CACNG2: variants seen among roughly 807,000 people sequenced by gnomAD.
The protein encoded by CACNG2 is calcium voltage-gated channel auxiliary subunit gamma 2, also known as voltage-dependent calcium channel gamma-2 subunit.
In CACNG2, 3 loss-of-function variants were observed where a neutral mutation model predicts 25.9. The ratio of observed to expected loss-of-function variants is 0.12; its 90% CI spans 0.05 to 0.30. The LOEUF (loss-of-function observed/expected upper bound fraction) is 0.30. Among genes scored for constraint, CACNG2 ranks in the 10% least tolerant of loss-of-function variants. The pLI is 1.00. For missense variants in CACNG2, 341 were observed against 432.5 expected (o/e 0.79, Z 1.88); for synonymous variants, 167 against 173.3 (o/e 0.96, Z 0.29).
chr22:36,638,961 T>C (rs1045238886), intron 1 of CACNG2, among the ~76,000 whole-genome samples: 1 of 152,218 alleles, frequency 6.6e-6, no homozygotes, highest in African/African-American at 2.4e-5. Flanking sequence ...TTCCCATCAA[T>C]ATTTACTAAG....
chr22:36,687,590 A>G (rs1337916857), intron 1 of CACNG2, among the ~76,000 whole-genome samples: 1 of 152,230 alleles, frequency 6.6e-6, no homozygotes, highest in Non-Finnish European at 1.5e-5. Context: ...ACAGCCTCCC[A>G]AAGATGTCCA....
At chr22:36,679,197 C>CCTTTCTTTCTTCCTTT (rs1937060635) in intron 1 of CACNG2, among the ~76,000 whole-genome samples, 10 of 54,786 alleles carry the variant, frequency 1.8e-4, no homozygotes, top group African/African-American at 6.9e-4. Flanking sequence ...TTCCTTCCTT[C>CCTTTCTTTCTTCCTTT]CTTTCTTTCT....
chr22:36,664,712 C>T (rs1188176274), intron 1 of CACNG2, among the ~76,000 whole-genome samples: 1 of 152,150 alleles, frequency 6.6e-6, no homozygotes, highest in Non-Finnish European at 1.5e-5. Flanking sequence ...CTGAAGTGTG[C>T]TCAAATAAGG....
intron 2 of CACNG2, among the ~76,000 whole-genome samples, chr22:36,569,701 G>A (rs759984801): frequency 3.3e-5 from 5 of 152,118 alleles, no homozygotes; most frequent in Admixed American, 6.6e-5. Context: ...CACCATGTCC[G>A]GCTAATTTTT....
At chr22:36,616,008 A>G (rs1315721494) in intron 1 of CACNG2, among the ~76,000 whole-genome samples, 2 of 150,936 alleles carry the variant, frequency 1.3e-5, no homozygotes, top group East Asian at 3.9e-4. Context: ...CTATTTTTCA[A>G]ATCCAGAGCT....
At chr22:36,624,624 G>A (rs528943598) in intron 1 of CACNG2, among the ~76,000 whole-genome samples, 1 of 151,996 alleles carries the variant, frequency 6.6e-6, no homozygotes, top group African/African-American at 2.4e-5. Flanking sequence ...CTCCAAACCT[G>A]CCCCTAGTTC....
chr22:36,579,583 A>C (rs1935380068), intron 2 of CACNG2, among the ~76,000 whole-genome samples: 1 of 151,988 alleles, frequency 6.6e-6, no homozygotes, highest in Non-Finnish European at 1.5e-5. Flanking sequence ...TGATACTGGT[A>C]GCCTGGACAT....
At chr22:36,693,700 A>G (rs1937295554) in intron 1 of CACNG2, among the ~76,000 whole-genome samples, 1 of 152,088 alleles carries the variant, frequency 6.6e-6, no homozygotes, top group African/African-American at 2.4e-5. Context: ...TGGCATTGCC[A>G]ATGCCCAACA....
chr22:36,662,887 C>G (rs186677662), intron 1 of CACNG2, among the ~76,000 whole-genome samples: 6 of 152,242 alleles, frequency 3.9e-5, no homozygotes, highest in Admixed American at 6.5e-5. Context: ...CATGGGACAC[C>G]TGGTTATGCA....
chr22:36,631,806 CA>C (rs1936276967), intron 1 of CACNG2, among the ~76,000 whole-genome samples: 1 of 150,610 alleles, frequency 6.6e-6, no homozygotes, highest in Non-Finnish European at 1.5e-5. Context: ...CAAAGCATCT[CA>C]ACAGATATGA....
chr22:36,662,864 C>A (rs990303105), intron 1 of CACNG2, among the ~76,000 whole-genome samples: 8 of 152,182 alleles, frequency 5.3e-5, no homozygotes, highest in African/African-American at 1.9e-4. Flanking sequence ...CAGATGAGTC[C>A]TTTTTAGCTC....
At chr22:36,589,452 C>T (rs61122011) in intron 1 of CACNG2, among the ~76,000 whole-genome samples, 29,013 of 152,084 alleles carry the variant, frequency 0.19, 3,306 homozygotes, top group East Asian at 0.31. Context: ...GGGATACTTA[C>T]GTACTACGTA....
chr22:36,694,176 G>A lies in CACNG2; in HGVS notation c.211+8190C>T, dbSNP rs1043352542. Among the ~76,000 whole-genome samples the A allele has an allele frequency of 3.3e-5, 5 of 152,174 alleles. No individual in the cohort carries two copies. The East Asian group carries it at 9.6e-4, about 29-fold the overall frequency. On this transcript the variant is annotated intron_variant, in intron 1 of 3. Coordinates refer to ENST00000300105, the MANE Select transcript of CACNG2 (RefSeq NM_006078.5). ...CGTTTCTCCCTGCAGCAAGATAGCTGACCGTCTTCTTTTGATTCTAAGGCT... is the reference window on the plus strand; with the variant it reads ...CGTTTCTCCCTGCAGCAAGATAGCTAACCGTCTTCTTTTGATTCTAAGGCT...
rs1226873985 is a variant in CACNG2 at position 36,564,366 on chromosome 22, C to G, written c.957G>C (p.Arg319=). The change falls in exon 4 of 4, where the codon CGG becomes CGC. Residue 319 remains arginine (R), a synonymous_variant. Transcript: ENST00000300105. This position sits in a 1 kb window ranked among gnomAD's most constrained non-coding sequence, Gnocchi z 6.7. Reference sequence around the variant, plus strand: ...CCCGCGGTCTTTATACGGGGGTGGTCCGGCGGTTGGCTGTGTTGGAGTGGA... The same window carrying G: ...CCCGCGGTCTTTATACGGGGGTGGTGCGGCGGTTGGCTGTGTTGGAGTGGA... ...DSLHSNTANR[R]TTPV is the part of the protein sequence containing the mutation. 4 of 1,613,514 alleles carry G rather than the reference C, an allele frequency of 2.5e-6. No individual in the cohort carries two copies. The highest frequency in any genetic ancestry group is 3.4e-6 in the Non-Finnish European group (4 of 1,179,748).
chr22:36,564,168 C>G lies in CACNG2; in HGVS notation c.*183G>C. ...ATTTTGTTCTTTTTTTTAAAATTTA[C>G]TTGTTATGTTTTTTCTCTTTTTTTG... On this transcript the variant is annotated 3_prime_UTR_variant, in exon 4 of 4. Transcript: ENST00000300105. This position sits in a 1 kb window ranked among gnomAD's most constrained non-coding sequence, Gnocchi z 6.7. 2.2e-6 allele frequency: 1 copy of G among 462,226 alleles called. No individual in the cohort carries two copies. The highest frequency in any genetic ancestry group is 3.7e-6 in the Non-Finnish European group (1 of 268,850). 28.6% of individuals were successfully genotyped at this position (462,226 alleles called of 1,614,324 possible).
chr22:36,685,723 A>G (rs912106078), intron 1 of CACNG2, among the ~76,000 whole-genome samples: 1 of 152,250 alleles, frequency 6.6e-6, no homozygotes, highest in Non-Finnish European at 1.5e-5. Flanking sequence ...TCCGGGACCA[A>G]GGCGGGGAGA....
At chr22:36,607,598 G>A (rs1161259773) in intron 1 of CACNG2, among the ~76,000 whole-genome samples, 8 of 152,122 alleles carry the variant, frequency 5.3e-5, no homozygotes, top group Admixed American at 2.6e-4. Context: ...ATAGAGTCAA[G>A]CCAGAGTGCT....
intron 2 of CACNG2, 80 bp downstream of exon 2, chr22:36,587,385 G>T (rs998235973): frequency 1.7e-5 from 17 of 1,027,064 alleles, no homozygotes; most frequent in Non-Finnish European, 2.5e-5. Flanking sequence ...CTCTAGGTAG[G>T]CCTGGTCCTT....
chr22:36,640,079 G>A (rs775579595), intron 1 of CACNG2, among the ~76,000 whole-genome samples: 1 of 152,190 alleles, frequency 6.6e-6, no homozygotes, highest in Non-Finnish European at 1.5e-5. Context: ...ATGGTACCAT[G>A]TCCAAGAGTA....
Sources: allele counts gnomAD v4.1 joint callset (sites outside exome capture counted in the v4.1 genomes callset), GRCh38; gene constraint gnomAD v4.1.1; non-coding constraint Gnocchi (gnomAD v3.1); transcripts MANE v1.5; gene names NCBI Gene and HGNC (gene_info 2026-07-23, HGNC 2026-07-21).